Variants in COMMD10 observed in about 807,000 individuals in gnomAD.
COMMD10 encodes the protein COMM domain-containing protein 10.
Under a neutral mutation model 28.9 loss-of-function variants are expected in COMMD10, and 33 were observed. The observed-to-expected ratio is 1.14, with a 90% CI of 0.87 to 1.53. The LOEUF is 1.53. Among genes scored for constraint, COMMD10 ranks in the 40% most tolerant of loss-of-function variants. COMMD10 has a pLI of 0.00. For missense variants in COMMD10, 310 were observed against 233.4 expected (o/e 1.33, Z -2.14); for synonymous variants, 110 against 81.7 (o/e 1.35, Z -1.87).
intron 5 of COMMD10, among the ~76,000 whole-genome samples, chr5:116,135,728 T>C (rs7736189): frequency 0.51 from 77,930 of 152,002 alleles, 22,265 homozygotes; most frequent in Non-Finnish European, 0.65. Flanking sequence ...AATTAAACTT[T>C]ATCATAGGTT....
At chr5:116,168,662 C>G (rs1465671616) in intron 5 of COMMD10, among the ~76,000 whole-genome samples, 2 of 152,162 alleles carry the variant, frequency 1.3e-5, no homozygotes, top group Non-Finnish European at 2.9e-5. Context: ...AATTAGAACT[C>G]AAGATTAAGA....
chr5:116,146,274 C>A (rs1457265805), intron 5 of COMMD10, among the ~76,000 whole-genome samples: 2 of 151,760 alleles, frequency 1.3e-5, no homozygotes, highest in African/African-American at 4.8e-5. Flanking sequence ...TCTCTTGCTT[C>A]CTTGGTTGAT....
In COMMD10 at chr5:116,113,369, A is replaced by G. The variant is rs72804821; in HGVS notation, c.399+20669A>G. On this transcript the variant is annotated intron_variant, in intron 4 of 6. Transcript: ENST00000274458. ...GTCTGTATCTCTTGCTAGCCTTGGG[A>G]GTTTTTCAATCTATTATTTTGTTAA... Among the ~76,000 whole-genome samples, 469 of 151,178 alleles carry G rather than the reference A, an allele frequency of 3.1e-3. 10 individuals carry two copies. The highest frequency in any genetic ancestry group is 4.7e-3 in the Admixed American group (71 of 15,064).
At chr5:116,273,155 C>T (rs995436640) in intron 5 of COMMD10, among the ~76,000 whole-genome samples, 8 of 151,798 alleles carry the variant, frequency 5.3e-5, no homozygotes, top group African/African-American at 1.7e-4. Flanking sequence ...ATGTCCTATC[C>T]TTCTTAGTGC....
chr5:116,168,769 C>T (rs908600080), intron 5 of COMMD10, among the ~76,000 whole-genome samples: 1 of 152,162 alleles, frequency 6.6e-6, no homozygotes, highest in African/African-American at 2.4e-5. Context: ...ATAAAAAGTT[C>T]TTTGAAACCA....
At chr5:116,221,233 C>T (rs938284587) in intron 5 of COMMD10, among the ~76,000 whole-genome samples, 1 of 151,996 alleles carries the variant, frequency 6.6e-6, no homozygotes, top group Non-Finnish European at 1.5e-5. Flanking sequence ...ATTTCATCTC[C>T]CTTATTCCAA....
At chr5:116,256,056 C>A (rs963457528) in intron 5 of COMMD10, among the ~76,000 whole-genome samples, 1 of 151,608 alleles carries the variant, frequency 6.6e-6, no homozygotes, top group Non-Finnish European at 1.5e-5. Flanking sequence ...ATATGCATGA[C>A]TGAAATTACC....
intron 5 of COMMD10, among the ~76,000 whole-genome samples, chr5:116,216,278 T>A (rs558847848): frequency 6.6e-6 from 1 of 152,316 alleles, no homozygotes; most frequent in East Asian, 1.9e-4. Context: ...TGAGGAAGAT[T>A]GAGTTTTTAA....
chr5:116,216,809 C>T (rs1187508977), intron 5 of COMMD10, among the ~76,000 whole-genome samples: 1 of 152,116 alleles, frequency 6.6e-6, no homozygotes, highest in African/African-American at 2.4e-5. Context: ...GCTGGGATTA[C>T]AGGCGTGAGC....
chr5:116,292,699 A>G lies in COMMD10; in HGVS notation c.*210A>G, dbSNP rs1580368086. On this transcript the variant is annotated 3_prime_UTR_variant, in exon 7 of 7. Transcript: ENST00000274458. ...ATACTTTCTTTAGTTCTGTGAGCCA[A>G]CAGTAATTATTAAGAACACTTTCCC... is the stretch of plus-strand genomic sequence containing the variant. The G allele has an allele frequency of 2.4e-6, 1 of 418,160 alleles. No homozygotes were observed. The allele number at this position is 418,160 out of a possible 1,614,324, so 25.9% of individuals were successfully genotyped here.
At chr5:116,137,100 C>T (rs976965260) in intron 5 of COMMD10, among the ~76,000 whole-genome samples, 2 of 152,088 alleles carry the variant, frequency 1.3e-5, no homozygotes, top group Admixed American at 1.3e-4. Context: ...CCTCAATGAA[C>T]TGCTGCCTGG....
intron 5 of COMMD10, among the ~76,000 whole-genome samples, chr5:116,279,233 A>G (rs1466908651): frequency 1.3e-5 from 2 of 151,848 alleles, no homozygotes. Context: ...GTCCGTAGGA[A>G]TCATGGGCCA....
intron 5 of COMMD10, among the ~76,000 whole-genome samples, chr5:116,172,963 T>G (rs1459400290): frequency 6.6e-6 from 1 of 152,176 alleles, no homozygotes; most frequent in Non-Finnish European, 1.5e-5. Context: ...CTTTTGCTCA[T>G]GTAAAGTTTA....
chr5:116,275,824 C>T (rs190380266), intron 5 of COMMD10, among the ~76,000 whole-genome samples: 2 of 151,460 alleles, frequency 1.3e-5, no homozygotes, highest in East Asian at 3.9e-4. Flanking sequence ...CTGCTAATGG[C>T]CAGATTTGCT....
intron 5 of COMMD10, among the ~76,000 whole-genome samples, chr5:116,173,122 T>C (rs7719318): frequency 0.31 from 47,112 of 151,970 alleles, 10,207 homozygotes; most frequent in African/African-American, 0.62. Context: ...AAGGTTAAGG[T>C]AAAGTCATAT....
chr5:116,199,666 A>G (rs771084056), intron 5 of COMMD10, among the ~76,000 whole-genome samples: 4 of 152,130 alleles, frequency 2.6e-5, no homozygotes, highest in Non-Finnish European at 4.4e-5. Context: ...CTCCTTTAAC[A>G]TCTTTTAAAG....
intron 5 of COMMD10, among the ~76,000 whole-genome samples, chr5:116,287,068 C>T (rs1751236522): frequency 6.6e-6 from 1 of 151,752 alleles, no homozygotes; most frequent in Non-Finnish European, 1.5e-5. Flanking sequence ...GTGATAGGTT[C>T]TTGGAAATTG....
chr5:116,145,830 A>G (rs770238620), intron 5 of COMMD10, among the ~76,000 whole-genome samples: 2 of 151,888 alleles, frequency 1.3e-5, no homozygotes, highest in East Asian at 1.9e-4. Flanking sequence ...CCAACTTAAG[A>G]AGAAGGTGTC....
At chr5:116,185,186 A>G (rs572990078) in intron 5 of COMMD10, among the ~76,000 whole-genome samples, 123 of 152,128 alleles carry the variant, frequency 8.1e-4, no homozygotes, top group African/African-American at 2.8e-3. Context: ...TGTGATCCAC[A>G]ATGACCCAAA....
Sources: gnomAD v4.1 joint callset for allele counts (sites outside exome capture counted in the v4.1 genomes callset) on GRCh38, gnomAD v4.1.1 for gene constraint, MANE v1.5 for transcripts, NCBI Gene and HGNC (gene_info 2026-07-23, HGNC 2026-07-21) for gene names.